Variants in CALN1 observed in about 807,000 individuals in gnomAD.
CALN1 encodes the protein calneuron 1, also known as calcium-binding protein 8.
Under a neutral mutation model 30.6 loss-of-function variants are expected in CALN1, and 17 were observed. The ratio of observed to expected loss-of-function variants is 0.56; its 90% CI spans 0.38 to 0.83. The LOEUF is 0.83. CALN1 is among the 40% of genes least tolerant of loss of function. The pLI is 0.00. For missense variants in CALN1, 291 were observed against 354.9 expected, an observed-to-expected ratio of 0.82 and a Z score of 1.45; for synonymous variants, 156 against 131.4, an observed-to-expected ratio of 1.19 and a Z score of -1.28.
At chr7:72,267,025 C>T (rs1585308037) in intron 3 of CALN1, among the ~76,000 whole-genome samples, 1 of 152,300 alleles carries the variant, frequency 6.6e-6, no homozygotes, top group East Asian at 1.9e-4. Flanking sequence ...GATGATGTGG[C>T]TCATTCATTG....
chr7:72,338,635 A>G (rs1039096595), intron 2 of CALN1, among the ~76,000 whole-genome samples: 1 of 151,554 alleles, frequency 6.6e-6, no homozygotes, highest in African/African-American at 2.4e-5. Context: ...TATAGACCCT[A>G]CTTCCCTAGT....
intron 6 of CALN1, 33 bp from the exon 7 acceptor site, chr7:71,787,935 G>A (rs780355828): frequency 2.0e-5 from 33 of 1,613,580 alleles, no homozygotes; most frequent in Non-Finnish European, 2.4e-5. Context: ...TGGGAAGAAG[G>A]AAGAGGGGTT....
intron 2 of CALN1, among the ~76,000 whole-genome samples, chr7:72,344,644 ATT>A (rs71515108): frequency 2.1e-5 from 3 of 146,004 alleles, no homozygotes; most frequent in Non-Finnish European, 3.0e-5. Flanking sequence ...ATATATTTAT[ATT>A]TTTTTATTTA....
intron 3 of CALN1, among the ~76,000 whole-genome samples, chr7:72,122,672 A>T (rs914919348): frequency 1.3e-5 from 2 of 152,128 alleles, no homozygotes; most frequent in Non-Finnish European, 2.9e-5. Context: ...GCTGCAGTGA[A>T]CTGTGATCAC....
intron 5 of CALN1, among the ~76,000 whole-genome samples, chr7:71,952,763 C>T (rs10277104): frequency 0.64 from 96,715 of 151,848 alleles, 31,153 homozygotes; most frequent in East Asian, 0.84. Flanking sequence ...TAAAACCAAG[C>T]CCCACCATGC....
In CALN1 at chr7:72,412,288, GCAGGAAAGAAAAAAA is replaced by G. The variant is rs1807233455; in HGVS notation, c.-319_-305del. ...AGTAAGCAGTAAGCTTTATTAAGAA[GCAGGAAAGAAAAAAA>G]CACAAACTCAAGCGGATAGCACCCC... On this transcript the variant is annotated 5_prime_UTR_variant, in exon 1 of 7. Coordinates refer to ENST00000395275, the MANE Select transcript of CALN1 (RefSeq NM_031468.4). 1 of 152,078 alleles carries G rather than the reference GCAGGAAAGAAAAAAA, an allele frequency of 6.6e-6. No individual in the cohort carries two copies. The highest frequency in any genetic ancestry group is 2.4e-5 in the African/African-American group (1 of 41,366). 9.4% of individuals were successfully genotyped at this position (152,078 alleles called of 1,614,324 possible). A position where few individuals can be genotyped will look rare whatever the true frequency, so the allele number is the denominator to read the frequency against.
chr7:72,123,829 C>T (rs1808560485), intron 3 of CALN1, among the ~76,000 whole-genome samples: 2 of 152,050 alleles, frequency 1.3e-5, no homozygotes, highest in South Asian at 2.1e-4. Flanking sequence ...TTAAAATTGC[C>T]GACTCTCTCA....
chr7:71,921,167 A>G (rs374502177), intron 5 of CALN1, among the ~76,000 whole-genome samples: 1 of 152,162 alleles, frequency 6.6e-6, no homozygotes, highest in Non-Finnish European at 1.5e-5. Context: ...GAACATATGG[A>G]CAGAGGGAGA....
At chr7:72,234,723 G>C (rs1416773487) in intron 3 of CALN1, among the ~76,000 whole-genome samples, 1 of 152,028 alleles carries the variant, frequency 6.6e-6, no homozygotes, top group African/African-American at 2.4e-5. Flanking sequence ...TGGGACTACA[G>C]GCGTGAGCCA....
intron 5 of CALN1, among the ~76,000 whole-genome samples, chr7:72,017,869 C>T (rs554023035): frequency 6.6e-6 from 1 of 152,172 alleles, no homozygotes; most frequent in East Asian, 1.9e-4. Flanking sequence ...TTGAACCTCA[C>T]GGTGGCAAAA....
the CALN1 span, among the ~76,000 whole-genome samples, chr7:72,499,834 T>C: frequency 0.025 from 717 of 28,728 alleles, 32 homozygotes; most frequent in African/African-American, 0.06. Flanking sequence ...TCCTTCTTTC[T>C]TTCTTTCTTT....
intron 5 of CALN1, among the ~76,000 whole-genome samples, chr7:71,994,691 G>T (rs1311024375): frequency 6.6e-6 from 1 of 151,972 alleles, no homozygotes; most frequent in East Asian, 1.9e-4. Context: ...GTACAGAGAG[G>T]GGTCCTGGAG....
At chr7:71,995,940 T>C (rs1357806624) in intron 5 of CALN1, among the ~76,000 whole-genome samples, 3 of 152,098 alleles carry the variant, frequency 2.0e-5, no homozygotes, top group Admixed American at 1.3e-4. Flanking sequence ...GCCTCCTTGT[T>C]CCTGCTTAAG....
chr7:72,354,808 G>A (rs763207595), intron 2 of CALN1, among the ~76,000 whole-genome samples: 5 of 152,026 alleles, frequency 3.3e-5, no homozygotes, highest in Non-Finnish European at 7.4e-5. Flanking sequence ...CGAATGGATC[G>A]TAGACCTAAA....
At position 71,812,708 on chromosome 7, in the gene CALN1, C is replaced by T. The variant is rs146070607; in HGVS notation, c.502-2216G>A. Reference sequence around the variant, plus strand: ...TTTCTCGTAATGATCTTGTTATCTTCCTATCCACACATTTCTCAAAGCCCC... The same window carrying T: ...TTTCTCGTAATGATCTTGTTATCTTTCTATCCACACATTTCTCAAAGCCCC... On this transcript the variant is annotated intron_variant, in intron 5 of 6. Transcript: ENST00000395275. 8.6e-4 allele frequency among the ~76,000 whole-genome samples: 130 copies of T among 152,014 alleles called. No individual in the cohort carries two copies. In the Middle Eastern group the frequency reaches 0.01, roughly 12 times the overall value.
At chr7:72,054,156 A>G (rs1803024777) in intron 4 of CALN1, among the ~76,000 whole-genome samples, 1 of 151,958 alleles carries the variant, frequency 6.6e-6, no homozygotes, top group African/African-American at 2.4e-5. Context: ...CTGGGTAGAT[A>G]CCCAGCAGTG....
At chr7:72,447,496 C>A (rs572065740), upstream of CALN1, among the ~76,000 whole-genome samples, 15 of 152,222 alleles carry the variant, frequency 9.9e-5, no homozygotes, top group African/African-American at 3.6e-4. Context: ...GAGCGGGGCT[C>A]CGTGGAGGCA....
intron 5 of CALN1, among the ~76,000 whole-genome samples, chr7:71,822,523 C>T (rs946792392): frequency 2.6e-5 from 4 of 152,204 alleles, no homozygotes; most frequent in Non-Finnish European, 4.4e-5. Context: ...GCTGGGATTG[C>T]AGGCGTGAGT....
chr7:71,847,832 AAGG>A lies in CALN1; in HGVS notation c.502-37343_502-37341del, dbSNP rs759271309. Among the ~76,000 whole-genome samples, 226 of 98,646 alleles carry A rather than the reference AAGG, an allele frequency of 2.3e-3. 2 individuals carry two copies. The highest frequency in any genetic ancestry group is 0.011 in the African/African-American group (210 of 19,944). 64.7% of individuals were successfully genotyped at this position (98,646 alleles called of 152,430 possible). A position where few individuals can be genotyped will look rare whatever the true frequency, so the allele number is the denominator to read the frequency against. On this transcript the variant is annotated intron_variant, in intron 5 of 6. Coordinates refer to ENST00000395275, the MANE Select transcript of CALN1 (RefSeq NM_031468.4). ...GAAGGAGAAGGAGAAGGAGAAGGAG[AAGG>A]AGAAGGAGAAGGAGAAGAAGAAGAG... is the stretch of plus-strand genomic sequence containing the variant.
Sources: gnomAD v4.1 joint callset for allele counts (sites outside exome capture counted in the v4.1 genomes callset) on GRCh38, gnomAD v4.1.1 for gene constraint, MANE v1.5 for transcripts, NCBI Gene and HGNC (gene_info 2026-07-23, HGNC 2026-07-21) for gene names.